Variants in UVSSA observed in about 807,000 individuals in gnomAD.
The protein encoded by UVSSA is UV stimulated scaffold protein A, also known as UV-stimulated scaffold protein A.
A neutral mutation model predicts 73.9 loss-of-function variants in UVSSA; 72 were observed. That is an observed-to-expected ratio of 0.97 (90% CI 0.81 to 1.19). UVSSA has a LOEUF of 1.19. Ranked by LOEUF, UVSSA falls within the 50% of genes most tolerant of loss-of-function variation. UVSSA has a pLI of 0.00. For synonymous variants in UVSSA, 454 were observed against 391.3 expected (o/e 1.16, Z -1.89); for missense variants, 1,150 against 965.0 (o/e 1.19, Z -2.54).
chr4:1,395,813 G>T (rs776775196), exon 14 of UVSSA: 3 of 1,614,020 alleles, frequency 1.9e-6, no homozygotes, highest in African/African-American at 1.3e-5. Flanking sequence ...TTTATGTCAA[G>T]GATCCCTTTT....
At chr4:1,353,001 A>G in intron 4 of UVSSA, 29 bp from the exon 5 acceptor site, 1 of 1,587,270 alleles carries the variant, frequency 6.3e-7, no homozygotes, top group Non-Finnish European at 8.6e-7. Flanking sequence ...CACATAGCGC[A>G]GCAAACAGGT....
At chr4:1,362,814 G>A (rs994315739) in intron 7 of UVSSA, among the ~76,000 whole-genome samples, 1 of 152,206 alleles carries the variant, frequency 6.6e-6, no homozygotes, top group Admixed American at 6.5e-5. Context: ...TGGGCTCCGT[G>A]CGCTTCGAGG....
intron 10 of UVSSA, among the ~76,000 whole-genome samples, chr4:1,376,842 C>T (rs760349928): frequency 1.1e-4 from 17 of 152,144 alleles, no homozygotes; most frequent in Non-Finnish European, 1.5e-4. Context: ...TCTCCACACC[C>T]GGGAGAGGGT....
chr4:1,380,053 C>T lies in UVSSA; in HGVS notation c.1575C>T (p.Asp525=), dbSNP rs1719284211. The part of the protein sequence containing the change: ...LPTAGKIVKS[D]SQHRFWKPSE... ...CCTCTGGCTGTGTCTGCAGGTCTGA[C>T]TCCCAGCACCGCTTCTGGAAGCCCA... The change falls in exon 11 of 14, where the codon GAC becomes GAT. Residue 525 remains aspartate (D), a synonymous_variant. Transcript: ENST00000389851. The T allele has an allele frequency of 3.1e-6, 5 of 1,605,230 alleles. No homozygotes were observed. The highest frequency in any genetic ancestry group is 1.6e-4 in the Middle Eastern group (1 of 6,074).
upstream of UVSSA, among the ~76,000 whole-genome samples, chr4:1,346,856 G>C (rs932218197): frequency 6.6e-6 from 1 of 152,176 alleles, no homozygotes; most frequent in African/African-American, 2.4e-5. Flanking sequence ...AGGACTTTCT[G>C]CGCCCTCCCG....
intron 10 of UVSSA, among the ~76,000 whole-genome samples, chr4:1,378,042 C>G (rs968072191): frequency 1.3e-5 from 2 of 152,258 alleles, no homozygotes; most frequent in African/African-American, 4.8e-5. Flanking sequence ...GGGCTGCTCA[C>G]CCCACATTCC....
chr4:1,392,784 C>G (rs1480390491), downstream of UVSSA: 1 of 152,176 alleles, frequency 6.6e-6, no homozygotes, highest in Non-Finnish European at 1.5e-5. Context: ...TTGTTTACAT[C>G]TTCTCTTCAC....
intron 8 of UVSSA, among the ~76,000 whole-genome samples, 197 bp downstream of exon 8, chr4:1,366,628 C>G (rs1022200629): frequency 2.0e-5 from 3 of 152,216 alleles, no homozygotes; most frequent in Admixed American, 6.5e-5. Flanking sequence ...TTTTCCTCTA[C>G]GTTCTGGCTC....
rs146490783 is a variant in UVSSA at position 1,395,337 on chromosome 4, T to C, written c.*9376T>C. The C allele has an allele frequency of 9.4e-3, 13,112 of 1,400,808 alleles. 342 individuals carry two copies. Among genetic ancestry groups the C allele is most frequent in the Non-Finnish European group, 0.01 (10,826 of 1,062,942 alleles). The allele number at this position is 1,400,808 out of a possible 1,614,324, so 86.8% of individuals were successfully genotyped here. ...GAGTGCCCGCCTGCTCACGTGCCGA[T>C]GTGGGGTGCCCGCCTGCTCACATGT... On this transcript the variant is annotated 3_prime_UTR_variant, in exon 14 of 14. Transcript: ENST00000511216.
chr4:1,360,171 C>G (rs1440515849), intron 7 of UVSSA, among the ~76,000 whole-genome samples: 1 of 152,252 alleles, frequency 6.6e-6, no homozygotes, highest in Non-Finnish European at 1.5e-5. Context: ...ATCCCAAGGG[C>G]TGCCCACGGG....
Position 1,380,091 on chromosome 4 carries a change from A to AG in UVSSA, c.1615dup (p.Glu539GlyfsTer23), listed in dbSNP as rs760999239. ...TTCTGGAAGCCCAGCGAGGTGGAGGAGGAAGTGGTCAATGCCGACATCTCC... is the reference window on the plus strand; with the variant it reads ...TTCTGGAAGCCCAGCGAGGTGGAGGAGGGAAGTGGTCAATGCCGACATCTCC... On this transcript the variant is annotated frameshift_variant, in exon 11 of 14. Transcript: ENST00000389851. LOFTEE classifies it high-confidence loss of function. 13 of 1,612,162 alleles carry AG rather than the reference A, an allele frequency of 8.1e-6. No individual in the cohort carries two copies. In the South Asian group the frequency reaches 1.4e-4, roughly 18 times the overall value.
chr4:1,353,002 G>A (rs753225382), intron 4 of UVSSA, 28 bp from the exon 5 acceptor site: 1 of 1,588,180 alleles, frequency 6.3e-7, no homozygotes, highest in Non-Finnish European at 8.6e-7. Flanking sequence ...ACATAGCGCA[G>A]CAAACAGGTG....
chr4:1,342,965 A>G (rs1713479643), upstream of UVSSA, among the ~76,000 whole-genome samples: 1 of 151,894 alleles, frequency 6.6e-6, no homozygotes, highest in Non-Finnish European at 1.5e-5. Context: ...TGGTGGTCCT[A>G]GGTCTGTTGC....
exon 14 of UVSSA, chr4:1,394,924 C>G (rs535021384): frequency 2.0e-6 from 3 of 1,522,522 alleles, no homozygotes; most frequent in African/African-American, 1.6e-5. Context: ...TGCCCGCCTG[C>G]TCACACGTGC....
chr4:1,361,869 T>TA (rs56856895), intron 7 of UVSSA, among the ~76,000 whole-genome samples: 3 of 151,626 alleles, frequency 2.0e-5, no homozygotes, highest in South Asian at 2.1e-4. Flanking sequence ...TTTTTTTTTT[T>TA]ATAAAAAGGG....
rs1158934988 is a variant in UVSSA, at chr4:1,380,028, C to T, written c.1569-19C>T. 8 of 1,583,852 alleles carry T rather than the reference C, an allele frequency of 5.1e-6. No individual in the cohort carries two copies. The highest frequency in any genetic ancestry group is 1.3e-5 in the African/African-American group (1 of 74,464). On this transcript the variant is annotated intron_variant, in intron 10 of 13. Transcript: ENST00000389851. Reference sequence around the variant, plus strand: ...GGGGTCCCTGCAGATGCTATGAGGGCCTCTGGCTGTGTCTGCAGGTCTGAC... The same window carrying T: ...GGGGTCCCTGCAGATGCTATGAGGGTCTCTGGCTGTGTCTGCAGGTCTGAC...
chr4:1,345,497 G>A (rs904238659), upstream of UVSSA, among the ~76,000 whole-genome samples: 3 of 151,832 alleles, frequency 2.0e-5, no homozygotes, highest in Non-Finnish European at 4.4e-5. Flanking sequence ...ATTCAAAAAT[G>A]AGCTGGGCGT....
In UVSSA at chr4:1,386,264, T is replaced by C. The variant is rs114225009; in HGVS notation, c.*303T>C. 2.1e-4 allele frequency: 75 copies of C among 360,380 alleles called. 1 individual carries two copies. The highest frequency in any genetic ancestry group is 1.2e-3 in the African/African-American group (60 of 48,362). The allele number at this position is 360,380 out of a possible 1,614,324, so 22.3% of individuals were successfully genotyped here. On this transcript the variant is annotated 3_prime_UTR_variant, in exon 14 of 14. Transcript: ENST00000389851. ...CGTGAGACCAGTGCTTGTCGTGGTGTGGGGTTCAGCACGGACGGAATGTGT... is the reference window on the plus strand; with the variant it reads ...CGTGAGACCAGTGCTTGTCGTGGTGCGGGGTTCAGCACGGACGGAATGTGT...
chr4:1,392,644 C>T (rs1042112726), downstream of UVSSA: 1 of 152,208 alleles, frequency 6.6e-6, no homozygotes, highest in African/African-American at 2.4e-5. Flanking sequence ...GAGCACCGCA[C>T]CATGTCTCAG....
Sources: gnomAD v4.1 joint callset for allele counts (sites outside exome capture counted in the v4.1 genomes callset) on GRCh38, gnomAD v4.1.1 for gene constraint, MANE v1.5 for transcripts, NCBI Gene and HGNC (gene_info 2026-07-23, HGNC 2026-07-21) for gene names.